ANK3: variants seen among roughly 807,000 people sequenced by gnomAD.
The protein encoded by ANK3 is ankyrin-3.
In ANK3, 57 loss-of-function variants were observed where a neutral mutation model predicts 370.9. The observed-to-expected ratio is 0.15, with a 90% CI of 0.12 to 0.19. The LOEUF (loss-of-function observed/expected upper bound fraction) is 0.19, where lower values mean the gene tolerates loss of function less well. Ranked by LOEUF, ANK3 falls within the 10% of genes least tolerant of loss-of-function variation. ANK3 has a pLI of 1.00. For missense variants in ANK3, 4,439 were observed against 5,302.1 expected (o/e 0.84, Z 5.06); for synonymous variants, 1,929 against 1,946.3 (o/e 0.99, Z 0.23).
intron 7 of ANK3, among the ~76,000 whole-genome samples, chr10:60,248,874 G>C (rs1341197340): frequency 6.6e-6 from 1 of 152,042 alleles, no homozygotes; most frequent in Non-Finnish European, 1.5e-5. Flanking sequence ...TCCTAACTTG[G>C]GCAAACATTA....
chr10:60,520,197 T>C (rs920010109), intron 2 of ANK3, among the ~76,000 whole-genome samples: 3 of 152,118 alleles, frequency 2.0e-5, no homozygotes, highest in African/African-American at 7.2e-5. Context: ...AACCAAATTC[T>C]GCATGTTCTC....
intron 3 of ANK3, 37 bp downstream of exon 3, chr10:60,279,013 C>T (rs548898055): frequency 1.4e-5 from 22 of 1,596,272 alleles, no homozygotes; most frequent in African/African-American, 5.4e-5. Context: ...CAGAACATGG[C>T]GAGTGGTTCA....
chr10:60,225,201 C>A (rs537641077), intron 8 of ANK3, among the ~76,000 whole-genome samples: 14 of 152,304 alleles, frequency 9.2e-5, no homozygotes, highest in Non-Finnish European at 1.6e-4. Flanking sequence ...GCATGAGCCA[C>A]CGCACCCAGC....
intron 10 of ANK3, among the ~76,000 whole-genome samples, chr10:60,206,789 C>T (rs996670259): frequency 2.0e-5 from 3 of 152,228 alleles, no homozygotes; most frequent in East Asian, 1.9e-4. Context: ...TCCTGCCTGC[C>T]GATTGAGACT....
intron 8 of ANK3, among the ~76,000 whole-genome samples, chr10:60,222,738 A>T (rs1258126937): frequency 6.6e-6 from 1 of 150,616 alleles, no homozygotes; most frequent in Admixed American, 6.7e-5. Flanking sequence ...TGCAATTAAC[A>T]AACTCTCTGC....
intron 28 of ANK3, 89 bp downstream of exon 28, chr10:60,105,816 T>C: frequency 7.3e-7 from 1 of 1,361,254 alleles, no homozygotes; most frequent in Admixed American, 2.7e-5. Context: ...TACAAATGTG[T>C]GAAATTCAGG....
intron 1 of ANK3, among the ~76,000 whole-genome samples, chr10:60,351,079 G>C (rs1376038565): frequency 6.6e-6 from 1 of 152,018 alleles, no homozygotes; most frequent in Non-Finnish European, 1.5e-5. Flanking sequence ...ACAAAGGCCA[G>C]GCTTACTTCT....
At chr10:60,484,331 TC>T (rs1433458588) in intron 2 of ANK3, among the ~76,000 whole-genome samples, 1 of 152,192 alleles carries the variant, frequency 6.6e-6, no homozygotes, top group Non-Finnish European at 1.5e-5. Context: ...TCTAGGGTAT[TC>T]ATTATTCAAA....
chr10:60,116,502 G>C (rs1205698696), intron 25 of ANK3, among the ~76,000 whole-genome samples: 7 of 151,842 alleles, frequency 4.6e-5, no homozygotes, highest in Non-Finnish European at 5.9e-5. Flanking sequence ...CAGGAAACAG[G>C]CTTTTCAGGG....
intron 28 of ANK3, among the ~76,000 whole-genome samples, chr10:60,103,710 A>G (rs1318077836): frequency 5.3e-5 from 8 of 152,192 alleles, no homozygotes; most frequent in Admixed American, 4.6e-4. Flanking sequence ...TTTTTGCTCT[A>G]GTGGACTCCA....
Position 60,134,309 on chromosome 10 carries a change from T to C in ANK3, c.2803A>G (p.Met935Val), listed in dbSNP as rs770393510. 28 of 1,613,912 alleles carry C rather than the reference T, an allele frequency of 1.7e-5. No individual in the cohort carries two copies. Among genetic ancestry groups the C allele is most frequent in the Non-Finnish European group, 2.3e-5 (27 of 1,179,950 alleles). ...LNRSSYARDS[M>V]MIEELLVPSK... ...GGCACAAGGAGTTCTTCAATCATCA[T>C]GCTGTCCCGTGCATAGGAGCTTCTG... The change falls in exon 25 of 44, where the codon ATG becomes GTG. Residue 935 changes from methionine (M) to valine (V), a missense_variant. Physicochemically the swap from Met to Val is conservative, Grantham distance 21 (BLOSUM62 1). Around this residue, in one of 13 missense-constraint regions of ANK3, gnomAD observed 702 missense variants for 941.5 expected, o/e 0.75. Transcript: ENST00000280772.
chr10:60,049,998 A>T (rs899676815), intron 42 of ANK3, among the ~76,000 whole-genome samples: 2 of 152,224 alleles, frequency 1.3e-5, no homozygotes, highest in African/African-American at 4.8e-5. Context: ...TTAGTATGTG[A>T]TATGTTAAGC....
intron 18 of ANK3, among the ~76,000 whole-genome samples, chr10:60,176,497 C>T (rs2095960205): frequency 6.6e-6 from 1 of 152,116 alleles, no homozygotes; most frequent in African/African-American, 2.4e-5. Flanking sequence ...CACAGTAGCT[C>T]ATGTCTGTAA....
At position 60,075,214 on chromosome 10, in the gene ANK3, C is replaced by G. The variant is rs797045235; in HGVS notation, c.5667G>C (p.Leu1889Phe). Residue 1889 changes from leucine (L) to phenylalanine (F), a missense_variant, in exon 37 of 44, where the codon TTG (leucine) becomes TTC (phenylalanine). Physicochemically the swap from Leu to Phe is conservative, Grantham distance 22 (BLOSUM62 0). Transcript: ENST00000280772. The stretch of plus-strand genomic sequence containing the variant: ...TGGAAGATAAAGAAGATGGTGTAGA[C>G]AACTTAAGGGCAGAGGGTGCAAGGA... ...SLFLAPSALK[L>F]STPSSLSSSQ... is the part of the protein sequence containing the mutation. 1.5e-5 allele frequency: 25 copies of G among 1,613,952 alleles called. 2 individuals carry two copies. The Middle Eastern group carries it at 3.9e-3, about 255-fold the overall frequency.
chr10:60,252,181 T>G (rs72820476), intron 7 of ANK3, among the ~76,000 whole-genome samples: 1 of 152,188 alleles, frequency 6.6e-6, no homozygotes, highest in African/African-American at 2.4e-5. Flanking sequence ...ACACTCTAGG[T>G]ACCCCTTTGC....
intron 1 of ANK3, among the ~76,000 whole-genome samples, chr10:60,711,200 A>C (rs1031449067): frequency 6.6e-6 from 1 of 152,204 alleles, no homozygotes; most frequent in African/African-American, 2.4e-5. Flanking sequence ...AGAGAGAATC[A>C]AATGGAAATG....
intron 1 of ANK3, among the ~76,000 whole-genome samples, chr10:60,719,880 G>C (rs913537868): frequency 1.3e-5 from 2 of 152,248 alleles, no homozygotes; most frequent in African/African-American, 4.8e-5. Flanking sequence ...GGCACTGTTT[G>C]CTTTATGCAT....
intron 1 of ANK3, among the ~76,000 whole-genome samples, chr10:60,712,362 T>C (rs1355453285): frequency 6.6e-6 from 1 of 152,186 alleles, no homozygotes; most frequent in African/African-American, 2.4e-5. Context: ...AAGGGAGGAA[T>C]TGGATAGCCT....
intron 2 of ANK3, among the ~76,000 whole-genome samples, chr10:60,431,603 C>G (rs957148414): frequency 1.1e-4 from 17 of 151,950 alleles, no homozygotes; most frequent in Admixed American, 6.6e-4. Flanking sequence ...ACAATGAGAA[C>G]ACGAGGACAC....
Sources: gnomAD v4.1 joint callset for allele counts (sites outside exome capture counted in the v4.1 genomes callset) on GRCh38, gnomAD v4.1.1 for gene constraint, gnomAD v4.1.1 regional missense constraint, MANE v1.5 for transcripts, NCBI Gene and HGNC (gene_info 2026-07-23, HGNC 2026-07-21) for gene names.